Variants in KHDC4 observed in about 807,000 individuals in gnomAD.
The protein encoded by KHDC4 is KH domain containing 4, pre-mRNA splicing factor.
Under a neutral mutation model 74.5 loss-of-function variants are expected in KHDC4, and 19 were observed. The ratio of observed to expected loss-of-function variants is 0.26; its 90% CI spans 0.18 to 0.37. The LOEUF (loss-of-function observed/expected upper bound fraction) is 0.37. KHDC4 is among the 10% of genes least tolerant of loss of function. KHDC4 has a pLI of 1.00. For missense variants in KHDC4, 632 were observed against 754.1 expected, an observed-to-expected ratio of 0.84 and a Z score of 1.90; for synonymous variants, 253 against 266.1, an observed-to-expected ratio of 0.95 and a Z score of 0.48.
Position 155,921,867 on chromosome 1 carries a change from A to T in KHDC4, c.1006T>A (p.Leu336Ile). The T allele has an allele frequency of 6.2e-7, 1 of 1,603,402 alleles. No homozygotes were observed. The highest frequency in any genetic ancestry group is 8.5e-7 in the Non-Finnish European group (1 of 1,172,332). ...FVNQINTAVP[L>I]PGYTQPSAIS... Reference sequence around the variant, plus strand: ...CACTTCAAGATGTACACACCTGGTAAAGGTACAGCAGTATTAATCTGATTC... The same window carrying T: ...CACTTCAAGATGTACACACCTGGTATAGGTACAGCAGTATTAATCTGATTC... Residue 336 changes from leucine (L) to isoleucine (I), a missense_variant, in exon 9 of 14, where the codon TTA (leucine) becomes ATA (isoleucine). Physicochemically the swap from Leu to Ile is conservative, Grantham distance 5 (BLOSUM62 2). Transcript: ENST00000368321.
Position 155,933,812 on chromosome 1 carries a change from GTGGGGC to G in KHDC4, c.70_75del (p.Ala24_Pro25del), listed in dbSNP as rs767695176. The stretch of plus-strand genomic sequence containing the variant: ...GGGGCCGCTGGCGGGAGGAAGAGAA[GTGGGGC>G]TGGAGCTGGTTGGTCCCATTTGCTG... On this transcript the variant is annotated inframe_deletion, in exon 2 of 14. Transcript: ENST00000368321. 3.1e-6 allele frequency: 5 copies of G among 1,589,572 alleles called. No homozygotes were observed. In the South Asian group the frequency reaches 5.7e-5, roughly 18 times the overall value.
At position 155,934,410 on chromosome 1, in the gene KHDC4, G is replaced by A. The variant is rs141535277; in HGVS notation, c.-37C>T. ...CTACTCAACCACCCGCCAACTATCC[G>A]ACTACCACCTCTCGTCACTTCCGCC... On this transcript the variant is annotated 5_prime_UTR_variant, in exon 1 of 14. Coordinates refer to ENST00000368321, the MANE Select transcript of KHDC4 (RefSeq NM_014949.4). The A allele has an allele frequency of 7.5e-6, 12 of 1,607,584 alleles. No individual in the cohort carries two copies. The highest frequency in any genetic ancestry group is 2.2e-5 in the South Asian group (2 of 90,752).
At chr1:155,914,514 A>G (rs1052056291) in intron 13 of KHDC4, 194 bp from the exon 14 acceptor site, 1 of 579,766 alleles carries the variant, frequency 1.7e-6, no homozygotes, top group Non-Finnish European at 3.0e-6. Flanking sequence ...GCAAATGTGA[A>G]TCCACCAGAA....
intron 1 of KHDC4, 119 bp downstream of exon 1, chr1:155,934,217 C>T (rs944303335): frequency 1.8e-6 from 2 of 1,090,884 alleles, no homozygotes; most frequent in East Asian, 2.7e-5. Context: ...TCTCCCCAAA[C>T]GTCCAGCCCT....
intron 12 of KHDC4, among the ~76,000 whole-genome samples, chr1:155,916,313 A>C (rs1253330911): frequency 6.6e-6 from 1 of 152,200 alleles, no homozygotes; most frequent in East Asian, 1.9e-4. Flanking sequence ...AAAGTAGCAA[A>C]AATAGCTGAA....
chr1:155,919,738 G>C (rs574863374), intron 10 of KHDC4, among the ~76,000 whole-genome samples: 114 of 152,194 alleles, frequency 7.5e-4, no homozygotes, highest in Middle Eastern at 6.8e-3. Context: ...GTGAACCTGG[G>C]AGGCGGAGCT....
chr1:155,916,825 C>T, intron 11 of KHDC4, 88 bp from the exon 12 acceptor site: 1 of 838,802 alleles, frequency 1.2e-6, no homozygotes, highest in South Asian at 1.6e-5. Flanking sequence ...AGTGCCTCAT[C>T]TTTCTGATAA....
chr1:155,927,227 G>A (rs1283004344), intron 4 of KHDC4, 71 bp from the exon 5 acceptor site: 4 of 1,141,178 alleles, frequency 3.5e-6, no homozygotes, highest in Non-Finnish European at 5.3e-6. Flanking sequence ...TGGGTCACCA[G>A]ATCTAATTTG....
intron 13 of KHDC4, 86 bp downstream of exon 13, chr1:155,915,787 G>A (rs777363008): frequency 2.5e-5 from 21 of 840,058 alleles, no homozygotes; most frequent in East Asian, 1.1e-4. Context: ...GATTACAGGC[G>A]TGAGCCACTG....
chr1:155,933,732 A>C lies in KHDC4; in HGVS notation c.156T>G (p.Pro52=). The C allele has an allele frequency of 6.2e-7, 1 of 1,610,678 alleles. No individual in the cohort carries two copies. The highest frequency in any genetic ancestry group is 8.5e-7 in the Non-Finnish European group (1 of 1,177,936). ...GGSPGGTTAA[P]SGALDAAAAV... ...CAGCAGCAGCATCCAAGGCTCCTGA[A>C]GGAGCAGCTGTGGTGCCCCCAGGAC... Residue 52 remains proline, a synonymous_variant, in exon 2 of 14, where the codon CCT becomes CCG. Coordinates refer to ENST00000368321, the MANE Select transcript of KHDC4 (RefSeq NM_014949.4).
intron 10 of KHDC4, among the ~76,000 whole-genome samples, chr1:155,918,511 A>G (rs1673781781): frequency 6.6e-6 from 1 of 152,170 alleles, no homozygotes; most frequent in Admixed American, 6.6e-5. Context: ...CTGCAAGGCA[A>G]TTTTGTCATT....
At chr1:155,921,982 AT>A in intron 8 of KHDC4, 64 bp from the exon 9 acceptor site, 1 of 984,454 alleles carries the variant, frequency 1.0e-6, no homozygotes, top group Non-Finnish European at 1.6e-6. Flanking sequence ...CAAGGGTCTG[AT>A]TACATAATTC....
In KHDC4 at chr1:155,924,365, T is replaced by G. The variant is rs560972149; in HGVS notation, c.894-678A>C. Among the ~76,000 whole-genome samples the G allele has an allele frequency of 2.0e-5, 3 of 150,844 alleles. No homozygotes were observed. In the South Asian group the frequency reaches 6.3e-4, roughly 32 times the overall value. On this transcript the variant is annotated intron_variant, in intron 7 of 13. Transcript: ENST00000368321. ...CTGGCACTACAGGCGCCTGCCACCA[T>G]GCCTGGCTAATTTTTTTGTTTTATT...
chr1:155,919,180 C>G (rs1293885207), intron 10 of KHDC4, among the ~76,000 whole-genome samples: 4 of 151,726 alleles, frequency 2.6e-5, no homozygotes, highest in African/African-American at 4.8e-5. Context: ...GTTGACCAGG[C>G]TGGTCTTGAA....
In KHDC4 at chr1:155,917,599, G is replaced by A. The variant is rs1395956641; in HGVS notation, c.1340C>T (p.Pro447Leu). 3 of 1,605,218 alleles carry A rather than the reference G, an allele frequency of 1.9e-6. No individual in the cohort carries two copies. Among genetic ancestry groups the A allele is most frequent in the South Asian group, 1.1e-5 (1 of 90,690 alleles). Residue 447 changes from proline to leucine, a missense_variant, in exon 11 of 14, where the codon CCC (proline) becomes CTC (leucine). Pro to Leu is a moderately conservative substitution (Grantham distance 98). Around this residue, in one of 4 missense-constraint regions of KHDC4, gnomAD observed 254 missense variants for 267.4 expected, o/e 0.95. Coordinates refer to ENST00000368321, the MANE Select transcript of KHDC4 (RefSeq NM_014949.4). Reference sequence around the variant, plus strand: ...ACTTGGGAGTGGGGGCTGGGGCTGGGGCTGGGGCTGGGGGCCAGCAGGCAA... The same window carrying A: ...ACTTGGGAGTGGGGGCTGGGGCTGGAGCTGGGGCTGGGGGCCAGCAGGCAA... The part of the protein sequence containing the change: ...TALPAGPQPQ[P>L]QPQPPLPSQP...
intron 4 of KHDC4, among the ~76,000 whole-genome samples, chr1:155,928,771 T>C (rs1674080352): frequency 6.6e-6 from 1 of 151,490 alleles, no homozygotes; most frequent in Non-Finnish European, 1.5e-5. Context: ...GCTAACACGG[T>C]GAAGCTCTGT....
At chr1:155,921,684 C>A in intron 9 of KHDC4, 56 bp from the exon 10 acceptor site, 1 of 1,577,442 alleles carries the variant, frequency 6.3e-7, no homozygotes, top group South Asian at 1.2e-5. Context: ...GACAATTTAG[C>A]TGAATATTAA....
chr1:155,918,438 C>T (rs1247789559), intron 10 of KHDC4, among the ~76,000 whole-genome samples: 2 of 152,140 alleles, frequency 1.3e-5, no homozygotes, highest in Non-Finnish European at 2.9e-5. Flanking sequence ...CTCAGCTTCC[C>T]AAAGTGCTGG....
intron 4 of KHDC4, among the ~76,000 whole-genome samples, chr1:155,928,001 TTAA>T (rs1160967954): frequency 6.6e-6 from 1 of 151,988 alleles, no homozygotes; most frequent in Non-Finnish European, 1.5e-5. Flanking sequence ...CCATATATAG[TTAA>T]TAAAAAGTAG....
Sources: gnomAD v4.1 joint callset for allele counts (sites outside exome capture counted in the v4.1 genomes callset) on GRCh38, gnomAD v4.1.1 for gene constraint, gnomAD v4.1.1 regional missense constraint, MANE v1.5 for transcripts, NCBI Gene and HGNC (gene_info 2026-07-23, HGNC 2026-07-21) for gene names.